Variants in CNN3 observed in about 807,000 individuals in gnomAD.
CNN3 encodes calponin 3.
In CNN3, 11 loss-of-function variants were observed where a neutral mutation model predicts 39.0. The observed-to-expected ratio is 0.28, with a 90% CI of 0.18 to 0.47. The LOEUF is 0.47. CNN3 is among the 20% of genes least tolerant of loss of function. The probability of loss-of-function intolerance (pLI) is 0.99; values close to 1 mark genes in which losing one functional copy is unlikely to be tolerated. For synonymous variants in CNN3, 101 were observed against 138.3 expected (o/e 0.73, Z 1.89); for missense variants, 266 against 403.4 (o/e 0.66, Z 2.92).
At chr1:94,901,519 G>C (rs1670867824) in intron 5 of CNN3, 150 bp downstream of exon 5, 1 of 514,966 alleles carries the variant, frequency 1.9e-6, no homozygotes, top group South Asian at 3.6e-5. Context: ...TGTCTTATGG[G>C]CTTTATAAAT....
At chr1:94,910,144 T>C (rs1671120846) in intron 1 of CNN3, among the ~76,000 whole-genome samples, 1 of 152,204 alleles carries the variant, frequency 6.6e-6, no homozygotes, top group Non-Finnish European at 1.5e-5. Context: ...AATCCTGCAT[T>C]ACTCCAAACT....
intron 1 of CNN3, among the ~76,000 whole-genome samples, chr1:94,906,303 G>C (rs1179341869): frequency 2.0e-5 from 3 of 152,170 alleles, no homozygotes; most frequent in Non-Finnish European, 2.9e-5. Flanking sequence ...TTTAAGTCTT[G>C]ACTATATTTT....
intron 1 of CNN3, chr1:94,924,154 T>G (rs1488945422): frequency 1.3e-5 from 2 of 152,194 alleles, no homozygotes; most frequent in African/African-American, 4.8e-5. Flanking sequence ...CCACGCAATG[T>G]CACTTTTGTA....
chr1:94,920,399 C>A (rs570996083), intron 1 of CNN3, among the ~76,000 whole-genome samples: 2 of 152,256 alleles, frequency 1.3e-5, no homozygotes, highest in Admixed American at 6.5e-5. Flanking sequence ...TATTAAAGTT[C>A]TAGAGATAAT....
At chr1:94,923,346 C>T (rs1395030812) in intron 1 of CNN3, among the ~76,000 whole-genome samples, 1 of 152,168 alleles carries the variant, frequency 6.6e-6, no homozygotes, top group Admixed American at 6.5e-5. Flanking sequence ...CCATCCTCCA[C>T]CGAACCATCC....
At chr1:94,920,978 G>A (rs1384130498) in intron 1 of CNN3, among the ~76,000 whole-genome samples, 1 of 152,188 alleles carries the variant, frequency 6.6e-6, no homozygotes, top group African/African-American at 2.4e-5. Context: ...AATAAGTTCA[G>A]AGTTAAGGAG....
intron 4 of CNN3, 74 bp from the exon 5 acceptor site, chr1:94,901,859 T>C: frequency 9.2e-7 from 1 of 1,086,224 alleles, no homozygotes; most frequent in South Asian, 1.4e-5. Flanking sequence ...AAATGATATG[T>C]CCATAGACAA....
Position 94,903,542 on chromosome 1 carries a change from T to C in CNN3, c.58-18A>G, listed in dbSNP as rs1670921586. 2.5e-6 allele frequency: 4 copies of C among 1,613,550 alleles called. No individual in the cohort carries two copies. The highest frequency in any genetic ancestry group is 3.4e-6 in the Non-Finnish European group (4 of 1,179,756). Reference sequence around the variant, plus strand: ...GAAGCAATCTGAAATACAGGTTAACTCACTTTAGAAGAATTTCACAAAAGC... The same window carrying C: ...GAAGCAATCTGAAATACAGGTTAACCCACTTTAGAAGAATTTCACAAAAGC... On this transcript the variant is annotated intron_variant, in intron 1 of 6. Coordinates refer to ENST00000370206, the MANE Select transcript of CNN3 (RefSeq NM_001839.5).
chr1:94,926,703 C>A lies in CNN3; in HGVS notation c.57+135G>T, dbSNP rs1471575112. On this transcript the variant is annotated intron_variant, in intron 1 of 6. Coordinates refer to ENST00000370206, the MANE Select transcript of CNN3 (RefSeq NM_001839.5). This position sits in a 1 kb window ranked among gnomAD's most constrained non-coding sequence, Gnocchi z 4.2. ...TGGACGCGACCGGGACAGGCAGAGA[C>A]GCTCGCGCCGCCTCGACGGCCCCTC... 2.0e-6 allele frequency: 2 copies of A among 995,390 alleles called. No homozygotes were observed. Among genetic ancestry groups the A allele is most frequent in the African/African-American group, 3.3e-5 (2 of 60,322 alleles). The allele number at this position is 995,390 out of a possible 1,614,324, so 61.7% of individuals were successfully genotyped here.
chr1:94,919,447 G>A (rs1243179758), intron 1 of CNN3, among the ~76,000 whole-genome samples: 1 of 152,232 alleles, frequency 6.6e-6, no homozygotes, highest in African/African-American at 2.4e-5. Flanking sequence ...CAGCAGGACA[G>A]AGACTTGCTA....
At chr1:94,902,091 G>T (rs766864537) in intron 4 of CNN3, 30 bp downstream of exon 4, 186 of 1,584,168 alleles carry the variant, frequency 1.2e-4, no homozygotes, top group Non-Finnish European at 1.5e-4. Context: ...GTGGGAATCT[G>T]TTAACCAGCC....
At chr1:94,920,136 G>A (rs1201299549) in intron 1 of CNN3, among the ~76,000 whole-genome samples, 2 of 152,152 alleles carry the variant, frequency 1.3e-5, no homozygotes, top group Non-Finnish European at 2.9e-5. Context: ...AACCAAGCCC[G>A]GTAAGCAAGA....
chr1:94,923,533 T>A (rs1253788964), intron 1 of CNN3, among the ~76,000 whole-genome samples: 1 of 151,964 alleles, frequency 6.6e-6, no homozygotes, highest in Non-Finnish European at 1.5e-5. Flanking sequence ...TTCACACATC[T>A]TCTTGCCTAT....
At chr1:94,903,018 T>TAA (rs372027375) in intron 3 of CNN3, 104 bp downstream of exon 3, 54,058 of 617,294 alleles carry the variant, frequency 0.088, 1,470 homozygotes, top group African/African-American at 0.17. Context: ...ATCAAAAAGT[T>TAA]AAAAAAAAAA....
rs77075130 is a variant in CNN3, at chr1:94,921,612, A to G, written c.57+5226T>C. On this transcript the variant is annotated intron_variant, in intron 1 of 6. Coordinates refer to ENST00000370206, the MANE Select transcript of CNN3 (RefSeq NM_001839.5). Reference sequence around the variant, plus strand: ...CCTGGAAGGGAAACAGGCACTGGGGAAAAAAAAAGCCTATACCTCTGTTGA... The same window carrying G: ...CCTGGAAGGGAAACAGGCACTGGGGGAAAAAAAAGCCTATACCTCTGTTGA... Among the ~76,000 whole-genome samples the G allele has an allele frequency of 6.8e-4, 80 of 117,232 alleles. No individual in the cohort carries two copies. The East Asian group carries it at 0.012, about 17-fold the overall frequency. 76.9% of individuals were successfully genotyped at this position (117,232 alleles called of 152,430 possible). A position where few individuals can be genotyped will look rare whatever the true frequency, so the allele number is the denominator to read the frequency against.
chr1:94,904,676 G>C lies in CNN3; in HGVS notation c.58-1152C>G, dbSNP rs111433080. Among the ~76,000 whole-genome samples the C allele has an allele frequency of 5.1e-4, 77 of 152,060 alleles. 2 individuals are homozygous for C. Among genetic ancestry groups the C allele is most frequent in the Non-Finnish European group, 1.5e-4 (10 of 68,024 alleles). ...GTAGGAAGATCACTTGAGCCCACGA[G>C]ATCGAGGCTACAGTGAGCCATGATC... On this transcript the variant is annotated intron_variant, in intron 1 of 6. Transcript: ENST00000370206.
At chr1:94,898,108 G>C (rs572695307) in intron 6 of CNN3, 25 bp from the exon 7 acceptor site, 1 of 1,577,704 alleles carries the variant, frequency 6.3e-7, no homozygotes. Flanking sequence ...TAGTATAAAA[G>C]TTAAAACAGC....
At chr1:94,899,204 T>C (rs1312495292) in intron 6 of CNN3, among the ~76,000 whole-genome samples, 167 bp downstream of exon 6, 1 of 152,216 alleles carries the variant, frequency 6.6e-6, no homozygotes, top group Admixed American at 6.5e-5. Flanking sequence ...ATCATGCTTT[T>C]GCTGCTATCG....
chr1:94,922,428 G>C (rs888008787), intron 1 of CNN3, among the ~76,000 whole-genome samples: 1 of 152,176 alleles, frequency 6.6e-6, no homozygotes, highest in Non-Finnish European at 1.5e-5. Context: ...TATTTATTGA[G>C]CATATGCTAT....
Sources: gnomAD v4.1 joint callset for allele counts (sites outside exome capture counted in the v4.1 genomes callset) on GRCh38, gnomAD v4.1.1 for gene constraint, Gnocchi (gnomAD v3.1) non-coding constraint, MANE v1.5 for transcripts, NCBI Gene and HGNC (gene_info 2026-07-23, HGNC 2026-07-21) for gene names.